The following CCDC43 variants were observed in gnomAD, a reference collection of about 807,000 sequenced individuals.
The protein encoded by CCDC43 is coiled-coil domain containing 43, also known as coiled-coil domain-containing protein 43.
Under a neutral mutation model 33.3 loss-of-function variants are expected in CCDC43, and 20 were observed. That is an observed-to-expected ratio of 0.60 (90% CI 0.42 to 0.87). CCDC43 has a LOEUF of 0.87. Ranked by LOEUF, CCDC43 falls within the 40% of genes least tolerant of loss-of-function variation. The pLI is 0.00. For missense variants in CCDC43, 248 were observed against 269.9 expected (o/e 0.92, Z 0.57); for synonymous variants, 104 against 106.5 (o/e 0.98, Z 0.14).
rs763140517 is a variant in CCDC43 at position 44,683,904 on chromosome 17, G to A, written c.260C>T (p.Thr87Ile). ...CKEIVERWSE[T>I]QNVVTKVKKE... ...TTTCACTTTGGTGACAACATTCTGAGTTTCTGACCATCGTTCCACAATCTC... is the reference window on the plus strand; with the variant it reads ...TTTCACTTTGGTGACAACATTCTGAATTTCTGACCATCGTTCCACAATCTC... The change falls in exon 2 of 5, where the codon ACT becomes ATT. Residue 87 changes from threonine to isoleucine, a missense_variant. By Grantham distance (89) the Thr-to-Ile change is moderately conservative. Coordinates refer to ENST00000315286, the MANE Select transcript of CCDC43 (RefSeq NM_144609.3). 1 of 1,613,460 alleles carries A rather than the reference G, an allele frequency of 6.2e-7. No individual in the cohort carries two copies. Among genetic ancestry groups the A allele is most frequent in the Non-Finnish European group, 8.5e-7 (1 of 1,179,420 alleles).
In CCDC43 at chr17:44,680,565, G is replaced by A; in HGVS notation, c.487+20C>T. The A allele has an allele frequency of 1.3e-6, 2 of 1,581,942 alleles. No homozygotes were observed. The highest frequency in any genetic ancestry group is 8.7e-7 in the Non-Finnish European group (1 of 1,151,852). On this transcript the variant is annotated intron_variant, in intron 4 of 4. Transcript: ENST00000315286. ...GAGGACTCTATGGAGAAACACATAG[G>A]GAGGGACCCAGAAGGATACGTTTGT...
chr17:44,685,548 C>T (rs1972221416), intron 1 of CCDC43, among the ~76,000 whole-genome samples: 1 of 152,172 alleles, frequency 6.6e-6, no homozygotes, highest in African/African-American at 2.4e-5. Flanking sequence ...TCACATCCTC[C>T]CAGGATTTTA....
intron 3 of CCDC43, chr17:44,681,662 A>G (rs1972164448): frequency 5.8e-6 from 1 of 171,854 alleles, no homozygotes. Context: ...AAGATGGATT[A>G]TACTTTATAC....
At chr17:44,682,218 T>C (rs918002964) in intron 2 of CCDC43, 80 bp from the exon 3 acceptor site, 104 of 1,556,420 alleles carry the variant, frequency 6.7e-5, no homozygotes, top group Non-Finnish European at 9.0e-5. Flanking sequence ...TAGGCAGCAC[T>C]TGTACTGAAG....
In CCDC43 at chr17:44,689,595, T is replaced by TTCC; in HGVS notation, c.156_158dup (p.Glu55dup). ...CCTGCAGAGCGTCCAGCTTCTCTTC[T>TTCC]TCCTCCTCCTCCTGCAGGATACCCA... On this transcript the variant is annotated inframe_insertion, in exon 1 of 5. Coordinates refer to ENST00000315286, the MANE Select transcript of CCDC43 (RefSeq NM_144609.3). 1.9e-6 allele frequency: 3 copies of TTCC among 1,613,990 alleles called. No homozygotes were observed. The highest frequency in any genetic ancestry group is 1.7e-6 in the Non-Finnish European group (2 of 1,179,882).
intron 2 of CCDC43, 29 bp from the exon 3 acceptor site, chr17:44,682,167 T>C (rs779550752): frequency 1.9e-6 from 3 of 1,613,280 alleles, no homozygotes; most frequent in Non-Finnish European, 2.5e-6. Context: ...AAGAACAAGG[T>C]TGTATGAGAG....
Position 44,679,049 on chromosome 17 carries a change from GGT to G in CCDC43, c.488-8_488-7del. The G allele has an allele frequency of 6.2e-7, 1 of 1,611,694 alleles. No homozygotes were observed. The highest frequency in any genetic ancestry group is 8.5e-7 in the Non-Finnish European group (1 of 1,178,726). On this transcript the variant is annotated splice_region_variant and splice_polypyrimidine_tract_variant and intron_variant, in intron 4 of 4. Transcript: ENST00000315286. ...ATTGGTGTTTCGGAACAGAACTACA[GGT>G]GAGTTAAGGGATTAGGGTACAGGTC... is the stretch of plus-strand genomic sequence containing the variant.
intron 4 of CCDC43, among the ~76,000 whole-genome samples, chr17:44,680,059 C>G (rs1435538328): frequency 6.6e-6 from 1 of 151,992 alleles, no homozygotes; most frequent in Non-Finnish European, 1.5e-5. Flanking sequence ...CTCACTGCAG[C>G]CTTGACTTCC....
chr17:44,688,139 CTA>C (rs1260544033), intron 1 of CCDC43: 4 of 151,964 alleles, frequency 2.6e-5, no homozygotes, highest in Non-Finnish European at 4.4e-5. Flanking sequence ...ACATTTATAT[CTA>C]TATATATTTA....
rs766825168 is a variant in CCDC43, at chr17:44,689,745, C to A, written c.9G>T (p.Ala3=). 3.2e-6 allele frequency: 5 copies of A among 1,558,394 alleles called. No individual in the cohort carries two copies. The South Asian group carries it at 5.9e-5, about 18-fold the overall frequency. The change falls in exon 1 of 5, where the codon GCG becomes GCT. Residue 3 remains alanine, a synonymous_variant. Transcript: ENST00000315286. ...GGGCTATCGCGGCCACTTCGCTGGG[C>A]GCCGCCATCTTGGGGTCAGGGTCCT... MA[A]PSEVAAIAPG...
At chr17:44,685,190 C>G (rs954395317) in intron 1 of CCDC43, among the ~76,000 whole-genome samples, 21 of 152,200 alleles carry the variant, frequency 1.4e-4, no homozygotes, top group Admixed American at 2.0e-4. Context: ...CTTCCCTTTT[C>G]CCATCCACCT....
intron 2 of CCDC43, among the ~76,000 whole-genome samples, chr17:44,682,941 ATAG>A (rs1398267498): frequency 6.6e-6 from 1 of 152,202 alleles, no homozygotes; most frequent in African/African-American, 2.4e-5. Context: ...ATGGTGTAAA[ATAG>A]TAGTTCTCAC....
chr17:44,686,407 A>C (rs1251781579), intron 1 of CCDC43, among the ~76,000 whole-genome samples: 1 of 152,234 alleles, frequency 6.6e-6, no homozygotes, highest in Non-Finnish European at 1.5e-5. Flanking sequence ...CCCCACCAGC[A>C]AGAAAAGCAA....
intron 4 of CCDC43, among the ~76,000 whole-genome samples, chr17:44,679,356 C>G (rs1021826031): frequency 4.6e-5 from 7 of 152,050 alleles, no homozygotes; most frequent in African/African-American, 1.7e-4. Flanking sequence ...AAATTTCATT[C>G]TAGAATAAGT....
At chr17:44,686,385 G>T (rs562198022) in intron 1 of CCDC43, among the ~76,000 whole-genome samples, 1 of 152,224 alleles carries the variant, frequency 6.6e-6, no homozygotes, top group East Asian at 1.9e-4. Context: ...TAGTTCATGG[G>T]TTTCCCCCAA....
chr17:44,680,883 C>A (rs1972149032), intron 3 of CCDC43, among the ~76,000 whole-genome samples: 1 of 152,110 alleles, frequency 6.6e-6, no homozygotes, highest in Non-Finnish European at 1.5e-5. Flanking sequence ...GGGTGGATTG[C>A]CACATTACCT....
At position 44,680,699 on chromosome 17, in the gene CCDC43, A is replaced by G. The variant is rs759805437; in HGVS notation, c.429-56T>C. 5 of 1,339,030 alleles carry G rather than the reference A, an allele frequency of 3.7e-6. No homozygotes were observed. The Admixed American group carries it at 8.4e-5, about 23-fold the overall frequency. 82.9% of individuals were successfully genotyped at this position (1,339,030 alleles called of 1,614,324 possible). A position where few individuals can be genotyped will look rare whatever the true frequency, so the allele number is the denominator to read the frequency against. ...AACAACATCCCAACCTAACATTAGA[A>G]AACATTCAATAGACTGGTAAGTAGG... On this transcript the variant is annotated intron_variant, in intron 3 of 4. Coordinates refer to ENST00000315286, the MANE Select transcript of CCDC43 (RefSeq NM_144609.3).
chr17:44,682,415 G>A (rs1220903812), intron 2 of CCDC43, among the ~76,000 whole-genome samples: 1 of 134,348 alleles, frequency 7.4e-6, no homozygotes, highest in Non-Finnish European at 1.6e-5. Context: ...AAAAAAAAAG[G>A]TTGAAAAGCA....
In CCDC43 at chr17:44,678,734, A is replaced by AT. The variant is rs1421531598; in HGVS notation, c.*121dup. 2.7e-5 allele frequency: 27 copies of AT among 996,346 alleles called. No homozygotes were observed. Among genetic ancestry groups the AT allele is most frequent in the Non-Finnish European group, 3.6e-5 (25 of 690,284 alleles). The allele number at this position is 996,346 out of a possible 1,614,324, so 61.7% of individuals were successfully genotyped here. On this transcript the variant is annotated 3_prime_UTR_variant, in exon 5 of 5. Transcript: ENST00000315286. ...AGTGATTTTGATTTTCCTTTTGACC[A>AT]TGTAAACAATAGGGGAAATGCCTTG...
Sources: allele counts gnomAD v4.1 joint callset (sites outside exome capture counted in the v4.1 genomes callset), GRCh38; gene constraint gnomAD v4.1.1; transcripts MANE v1.5; gene names NCBI Gene and HGNC (gene_info 2026-07-23, HGNC 2026-07-21).